The following YME1L1 variants were observed in gnomAD, a reference collection of about 807,000 sequenced individuals.
YME1L1 encodes the protein YME1 like 1 ATPase, also known as ATP-dependent zinc metalloprotease YME1L1.
A neutral mutation model predicts 90.4 loss-of-function variants in YME1L1; 39 were observed. The ratio of observed to expected loss-of-function variants is 0.43; its 90% CI spans 0.33 to 0.56. The LOEUF (loss-of-function observed/expected upper bound fraction) is 0.56. Among genes scored for constraint, YME1L1 ranks in the 20% least tolerant of loss-of-function variants. The pLI, the probability that YME1L1 is intolerant of heterozygous loss-of-function variation, is 0.03. For missense variants in YME1L1, 617 were observed against 868.4 expected (o/e 0.71, Z 3.64); for synonymous variants, 284 against 287.3 (o/e 0.99, Z 0.12).
rs899736512 is a variant in YME1L1, at chr10:27,120,350, T to C, written c.1411+85A>G. The C allele has an allele frequency of 6.6e-6, 6 of 903,476 alleles. No homozygotes were observed. The African/African-American group carries it at 8.4e-5, about 13-fold the overall frequency. 56.0% of individuals were successfully genotyped at this position (903,476 alleles called of 1,614,324 possible). On this transcript the variant is annotated intron_variant, in intron 13 of 18. Transcript: ENST00000376016. ...AAATGAACTGGTCTTTTAATGTTAA[T>C]ACATGTATCATGAAAGGACCACAAA...
At chr10:27,148,120 T>C (rs191871153) in intron 2 of YME1L1, among the ~76,000 whole-genome samples, 1 of 152,076 alleles carries the variant, frequency 6.6e-6, no homozygotes, top group East Asian at 1.9e-4. Flanking sequence ...ATTTACTTCT[T>C]AAATCCCTAC....
At chr10:27,127,266 G>T (rs1254691406) in intron 8 of YME1L1, among the ~76,000 whole-genome samples, 1 of 152,090 alleles carries the variant, frequency 6.6e-6, no homozygotes, top group Non-Finnish European at 1.5e-5. Context: ...AATGATCTTT[G>T]AAAGTTATTC....
chr10:27,128,454 G>C (rs926610980), intron 8 of YME1L1, among the ~76,000 whole-genome samples: 1 of 152,060 alleles, frequency 6.6e-6, no homozygotes, highest in Admixed American at 6.6e-5. Context: ...CACATTCCAG[G>C]ACAGGCGTGG....
intron 8 of YME1L1, among the ~76,000 whole-genome samples, chr10:27,127,119 T>C (rs1297176159): frequency 2.0e-5 from 3 of 152,230 alleles, no homozygotes; most frequent in African/African-American, 7.2e-5. Context: ...GAAACATAGC[T>C]TCACGCCAAA....
chr10:27,141,520 C>T (rs559496858), intron 4 of YME1L1, among the ~76,000 whole-genome samples: 5 of 151,704 alleles, frequency 3.3e-5, no homozygotes, highest in African/African-American at 1.2e-4. Flanking sequence ...AATTCAAAAC[C>T]AAAGTAATCT....
chr10:27,135,271 A>T (rs3780921), intron 5 of YME1L1, among the ~76,000 whole-genome samples: 36,420 of 151,786 alleles, frequency 0.24, 4,860 homozygotes, highest in East Asian at 0.56. Context: ...CTTAATGTTC[A>T]TATCCCTCTA....
chr10:27,129,153 G>GTAAGTACA (rs960738744), intron 8 of YME1L1: 2 of 140,744 alleles, frequency 1.4e-5, no homozygotes, highest in African/African-American at 2.6e-5. Flanking sequence ...CAGTAAGTAT[G>GTAAGTACA]TAAGTACATT....
rs147181432 is a variant in YME1L1 at position 27,145,489 on chromosome 10, G to A, written c.270C>T (p.Asn90=). The stretch of plus-strand genomic sequence containing the variant: ...GGGATGTATGCCAATGGGAAGAAAT[G>A]TTTTTGCCTTTACAAAATCCAGGAA... ...NLLPGFCKGK[N]ISSHWHTSHV... is the part of the protein sequence containing the mutation. The change falls in exon 3 of 19, where the codon AAC becomes AAT. Residue 90 remains asparagine, a synonymous_variant. Transcript: ENST00000376016. 20 of 1,613,408 alleles carry A rather than the reference G, an allele frequency of 1.2e-5. No homozygotes were observed. The highest frequency in any genetic ancestry group is 4.4e-5 in the South Asian group (4 of 91,058).
chr10:27,147,567 C>T, intron 2 of YME1L1: 2 of 1,602,850 alleles, frequency 1.2e-6, no homozygotes, highest in Non-Finnish European at 1.7e-6. Context: ...TCTTCTTCAT[C>T]CTTTTTGCTG....
At chr10:27,149,908 C>T (rs990193991) in intron 1 of YME1L1, among the ~76,000 whole-genome samples, 2 of 150,978 alleles carry the variant, frequency 1.3e-5, no homozygotes, top group Non-Finnish European at 3.0e-5. Flanking sequence ...ATCCCATCGC[C>T]ACTAAAAATA....
At chr10:27,145,630 T>G in intron 2 of YME1L1, 40 bp from the exon 3 acceptor site, 1 of 1,541,154 alleles carries the variant, frequency 6.5e-7, no homozygotes, top group Non-Finnish European at 8.8e-7. Flanking sequence ...ATTAATATTA[T>G]CAAGATATTT....
Position 27,132,236 on chromosome 10 carries a change from G to A in YME1L1, c.776-295C>T, listed in dbSNP as rs183940182. On this transcript the variant is annotated intron_variant, in intron 7 of 18. Transcript: ENST00000376016. ...CTGCCTCAGCCTCCCAAGTAGCTGG[G>A]ATTACAGGCATGCGCCACCAAACCC... 5.8e-3 allele frequency among the ~76,000 whole-genome samples: 887 copies of A among 152,196 alleles called. 7 individuals carry two copies. The highest frequency in any genetic ancestry group is 0.02 in the African/African-American group (840 of 41,544).
In YME1L1 at chr10:27,154,321, G is replaced by A; in HGVS notation, c.-111C>T. ...TTTTTTCCTTTTTCTCCGACCCGTTGCCCCTCACTCCTCCCAGAAACGGAA... is the reference window on the plus strand; with the variant it reads ...TTTTTTCCTTTTTCTCCGACCCGTTACCCCTCACTCCTCCCAGAAACGGAA... On this transcript the variant is annotated 5_prime_UTR_variant, in exon 1 of 19. Coordinates refer to ENST00000376016, the MANE Select transcript of YME1L1 (RefSeq NM_014263.4). 2 of 1,322,760 alleles carry A rather than the reference G, an allele frequency of 1.5e-6. No individual in the cohort carries two copies. The highest frequency in any genetic ancestry group is 1.0e-6 in the Non-Finnish European group (1 of 959,628). The allele number at this position is 1,322,760 out of a possible 1,614,324, so 81.9% of individuals were successfully genotyped here. A position where few individuals can be genotyped will look rare whatever the true frequency, so the allele number is the denominator to read the frequency against.
intron 9 of YME1L1, among the ~76,000 whole-genome samples, chr10:27,125,457 T>TG (rs1378912621): frequency 5.1e-3 from 131 of 25,874 alleles, no homozygotes; most frequent in African/African-American, 0.025. Context: ...TTGTTTCATT[T>TG]GAAAAAAAAA....
chr10:27,127,365 C>A (rs1173605268), intron 8 of YME1L1, among the ~76,000 whole-genome samples: 3 of 151,926 alleles, frequency 2.0e-5, no homozygotes, highest in African/African-American at 7.3e-5. Context: ...TAAAAAAATA[C>A]AAAACAAAGC....
rs529892440 is a variant in YME1L1 at position 27,148,851 on chromosome 10, A to G, written c.168+55T>C. On this transcript the variant is annotated intron_variant, in intron 2 of 18. Transcript: ENST00000376016. ...AATATCCTTAATCCTTCATTTGTTTAAGGGTCAACTGTATATCAAAAAGGC... is the reference window on the plus strand; with the variant it reads ...AATATCCTTAATCCTTCATTTGTTTGAGGGTCAACTGTATATCAAAAAGGC... 1.4e-5 allele frequency: 22 copies of G among 1,596,784 alleles called. No individual in the cohort carries two copies. The East Asian group carries it at 4.7e-4, about 34-fold the overall frequency.
Position 27,119,347 on chromosome 10 carries a change from T to C in YME1L1, c.1514A>G (p.Lys505Arg), listed in dbSNP as rs1471436975. Residue 505 changes from lysine (K) to arginine (R), a missense_variant, in exon 14 of 19, where the codon AAA becomes AGA. Lys to Arg is a conservative substitution (Grantham distance 26, BLOSUM62 2). Transcript: ENST00000376016. Reference sequence around the variant, plus strand: ...CAGCTCCTTCATGGTAACCATTTCTTTTCCATCAACAGCTGCTTTTAATGC... The same window carrying C: ...CAGCTCCTTCATGGTAACCATTTCTCTTCCATCAACAGCTGCTTTTAATGC... The part of the protein sequence containing the change: ...QAALKAAVDG[K>R]EMVTMKELEF... 1 of 1,613,590 alleles carries C rather than the reference T, an allele frequency of 6.2e-7. No individual in the cohort carries two copies. Among genetic ancestry groups the C allele is most frequent in the Non-Finnish European group, 8.5e-7 (1 of 1,179,828 alleles).
intron 12 of YME1L1, 143 bp downstream of exon 12, chr10:27,121,243 T>C (rs1227801832): frequency 1.7e-6 from 1 of 604,586 alleles, no homozygotes; most frequent in Non-Finnish European, 3.0e-6. Context: ...CTAACCCAAT[T>C]TGTCTCTGTG....
chr10:27,117,843 T>C (rs994839212), intron 14 of YME1L1, 116 bp from the exon 15 acceptor site: 6 of 1,039,332 alleles, frequency 5.8e-6, no homozygotes, highest in Non-Finnish European at 8.4e-6. Context: ...AGATTCTGCA[T>C]CCATAGATTC....
Sources: allele counts gnomAD v4.1 joint callset (sites outside exome capture counted in the v4.1 genomes callset), GRCh38; gene constraint gnomAD v4.1.1; transcripts MANE v1.5; gene names NCBI Gene and HGNC (gene_info 2026-07-23, HGNC 2026-07-21).